Variants in CPNE4 observed in about 807,000 individuals in gnomAD.
CPNE4 encodes copine 4, also known as copine-4.
Under a neutral mutation model 67.9 loss-of-function variants are expected in CPNE4, and 25 were observed. That is an observed-to-expected ratio of 0.37 (90% CI 0.27 to 0.51). The LOEUF is 0.51. Among genes scored for constraint, CPNE4 ranks in the 20% least tolerant of loss-of-function variants. The probability of loss-of-function intolerance (pLI) is 0.93; values close to 1 mark genes in which losing one functional copy is unlikely to be tolerated. For missense variants in CPNE4, 464 were observed against 690.8 expected (o/e 0.67, Z 3.68); for synonymous variants, 242 against 244.9 (o/e 0.99, Z 0.11).
intron 3 of CPNE4, among the ~76,000 whole-genome samples, chr3:131,709,059 C>A (rs1460193174): frequency 1.4e-5 from 2 of 143,382 alleles, no homozygotes; most frequent in African/African-American, 5.2e-5. Flanking sequence ...TGGAAACAGC[C>A]TTAATGTCCA....
chr3:131,837,868 C>T (rs932088228), intron 2 of CPNE4, among the ~76,000 whole-genome samples: 1 of 151,854 alleles, frequency 6.6e-6, no homozygotes, highest in Non-Finnish European at 1.5e-5. Context: ...GGGGAACTTT[C>T]TGTAATATAT....
intron 11 of CPNE4, among the ~76,000 whole-genome samples, chr3:131,560,030 A>G (rs1022755601): frequency 3.0e-4 from 45 of 152,192 alleles, no homozygotes; most frequent in African/African-American, 1.1e-3. Context: ...CATTTTAAAG[A>G]TCATTGGTCC....
At chr3:131,623,436 C>T (rs1044412889) in intron 7 of CPNE4, among the ~76,000 whole-genome samples, 4 of 152,174 alleles carry the variant, frequency 2.6e-5, no homozygotes, top group African/African-American at 7.2e-5. Context: ...CCCAGGTCTC[C>T]TCTTGCTGGG....
At chr3:131,926,297 G>A (rs2070891652) in intron 1 of CPNE4, among the ~76,000 whole-genome samples, 2 of 152,084 alleles carry the variant, frequency 1.3e-5, no homozygotes, top group Non-Finnish European at 2.9e-5. Flanking sequence ...GTTAGCCTGT[G>A]ACAAGCATTG....
At chr3:131,829,363 T>C (rs76473718) in intron 2 of CPNE4, among the ~76,000 whole-genome samples, 15 of 152,216 alleles carry the variant, frequency 9.9e-5, no homozygotes, top group African/African-American at 3.4e-4. Context: ...TTGTTTTCTA[T>C]GTACACAAAT....
In CPNE4 at chr3:131,821,891, T is replaced by C. The variant is rs549074119; in HGVS notation, c.180+83373A>G. ...ATATTTGATAAACTCCTTTGAACAA[T>C]AGGAAAACTTGACAAAATCCACCCC... On this transcript the variant is annotated intron_variant, in intron 2 of 15. Coordinates refer to ENST00000429747, the MANE Select transcript of CPNE4 (RefSeq NM_130808.3). 1.3e-4 allele frequency among the ~76,000 whole-genome samples: 20 copies of C among 152,228 alleles called. 1 individual carries two copies. In the South Asian group the frequency reaches 3.1e-3, roughly 24 times the overall value.
At chr3:131,828,411 T>A (rs1420223886) in intron 2 of CPNE4, among the ~76,000 whole-genome samples, 2 of 152,216 alleles carry the variant, frequency 1.3e-5, no homozygotes, top group African/African-American at 4.8e-5. Context: ...AATATTTGAC[T>A]CCCATCAGTC....
At chr3:131,795,015 A>G (rs570817817) in intron 2 of CPNE4, among the ~76,000 whole-genome samples, 23 of 152,326 alleles carry the variant, frequency 1.5e-4, no homozygotes, top group African/African-American at 5.1e-4. Flanking sequence ...CCATGGCAGT[A>G]CTACTATTTT....
rs199849209 is a variant in CPNE4 at position 131,596,142 on chromosome 3, T to TAACA, written c.682-8564_682-8561dup. Among the ~76,000 whole-genome samples the TAACA allele has an allele frequency of 1.4e-3, 209 of 151,886 alleles. 1 individual carries two copies. The highest frequency in any genetic ancestry group is 4.3e-3 in the African/African-American group (180 of 41,412). ...TGAGTAGATCTCATTTTAAGTGTTC[T>TAACA]AACAAACAAACAAACAAACAAATAA... On this transcript the variant is annotated intron_variant, in intron 7 of 15. Coordinates refer to ENST00000429747, the MANE Select transcript of CPNE4 (RefSeq NM_130808.3).
intron 6 of CPNE4, among the ~76,000 whole-genome samples, chr3:131,673,761 A>G (rs573112858): frequency 6.6e-6 from 1 of 152,188 alleles, no homozygotes; most frequent in Non-Finnish European, 1.5e-5. Context: ...TCTGCAAACA[A>G]GTATAAATTG....
At chr3:131,600,148 A>G (rs970452287) in intron 7 of CPNE4, among the ~76,000 whole-genome samples, 3 of 152,172 alleles carry the variant, frequency 2.0e-5, no homozygotes, top group Non-Finnish European at 2.9e-5. Flanking sequence ...TAAGGTATCC[A>G]TGCACCAAGG....
At chr3:131,880,289 G>A (rs2087623966) in intron 2 of CPNE4, among the ~76,000 whole-genome samples, 2 of 151,890 alleles carry the variant, frequency 1.3e-5, no homozygotes, top group African/African-American at 4.8e-5. Context: ...CTAATTTTTT[G>A]TGTTTTTAGT....
chr3:131,670,025 C>T (rs985076870), intron 6 of CPNE4, among the ~76,000 whole-genome samples: 8 of 152,070 alleles, frequency 5.3e-5, no homozygotes, highest in Non-Finnish European at 1.2e-4. Context: ...CATGTGGATG[C>T]TGAGAATGAT....
intron 1 of CPNE4, among the ~76,000 whole-genome samples, chr3:131,934,213 T>G (rs2071152774): frequency 6.6e-6 from 1 of 152,126 alleles, no homozygotes; most frequent in African/African-American, 2.4e-5. Context: ...AGGAAGACGA[T>G]TGTTGACTTT....
chr3:132,020,740 C>G (rs1203131853), intron 1 of CPNE4, among the ~76,000 whole-genome samples: 1 of 152,146 alleles, frequency 6.6e-6, no homozygotes, highest in Middle Eastern at 3.2e-3. Flanking sequence ...GTGATTTTCA[C>G]CTATGATTTT....
At chr3:131,820,730 C>A (rs1401048000) in intron 2 of CPNE4, among the ~76,000 whole-genome samples, 1 of 152,138 alleles carries the variant, frequency 6.6e-6, no homozygotes, top group African/African-American at 2.4e-5. Context: ...ATCCCAGAAA[C>A]ACACACTCAT....
chr3:131,918,964 G>T (rs905940507), intron 1 of CPNE4, among the ~76,000 whole-genome samples: 1 of 152,134 alleles, frequency 6.6e-6, no homozygotes, highest in African/African-American at 2.4e-5. Context: ...ACTATGAAAA[G>T]TGTTGTAGGG....
At chr3:131,698,790 A>T (rs2081222631) in intron 4 of CPNE4, among the ~76,000 whole-genome samples, 2 of 151,312 alleles carry the variant, frequency 1.3e-5, no homozygotes, top group South Asian at 4.2e-4. Context: ...GGCACCTGTA[A>T]TCCCAGCTAC....
chr3:131,591,140 GA>G (rs1429702141), intron 7 of CPNE4, among the ~76,000 whole-genome samples: 1 of 152,174 alleles, frequency 6.6e-6, no homozygotes, highest in Non-Finnish European at 1.5e-5. Context: ...GAAAGGAGCA[GA>G]AGAAATCTTG....
Sources: gnomAD v4.1 joint callset for allele counts (sites outside exome capture counted in the v4.1 genomes callset) on GRCh38, gnomAD v4.1.1 for gene constraint, MANE v1.5 for transcripts, NCBI Gene and HGNC (gene_info 2026-07-23, HGNC 2026-07-21) for gene names.